The following CENPC variants were observed in gnomAD, a reference collection of about 807,000 sequenced individuals.
The protein encoded by CENPC is CENP-C 1.
CENPC carries 63 observed loss-of-function variants against 112.1 expected under a neutral mutation model. The observed-to-expected ratio is 0.56, with a 90% CI of 0.46 to 0.69. The LOEUF (loss-of-function observed/expected upper bound fraction) is 0.69. CENPC is among the 30% of genes least tolerant of loss of function. CENPC has a pLI of 0.00. For synonymous variants in CENPC, 333 were observed against 367.6 expected, an observed-to-expected ratio of 0.91 and a Z score of 1.08; for missense variants, 1,000 against 1,103.8, an observed-to-expected ratio of 0.91 and a Z score of 1.33.
chr4:67,499,344 C>T (rs1725527559), intron 12 of CENPC, among the ~76,000 whole-genome samples: 1 of 152,182 alleles, frequency 6.6e-6, no homozygotes, highest in Non-Finnish European at 1.5e-5. Context: ...ATTTTGTCTA[C>T]AGGGAAAATC....
Position 67,514,705 on chromosome 4 carries a change from T to A in CENPC, c.831-18A>T. 6.4e-7 allele frequency: 1 copy of A among 1,561,286 alleles called. No homozygotes were observed. The highest frequency in any genetic ancestry group is 8.7e-7 in the Non-Finnish European group (1 of 1,155,352). On this transcript the variant is annotated intron_variant, in intron 7 of 18. Coordinates refer to ENST00000273853, the MANE Select transcript of CENPC (RefSeq NM_001812.4). ...CAATGGGACTGAAACAGGGTGATACTTTTAACAGTTCAAAAAAATAAAGCT... is the reference window on the plus strand; with the variant it reads ...CAATGGGACTGAAACAGGGTGATACATTTAACAGTTCAAAAAAATAAAGCT...
At chr4:67,512,942 AT>A (rs753104136) in intron 8 of CENPC, among the ~76,000 whole-genome samples, 1 of 152,144 alleles carries the variant, frequency 6.6e-6, no homozygotes, top group Non-Finnish European at 1.5e-5. Context: ...AGAAGAGGAG[AT>A]TTAAAGTGTG....
intron 2 of CENPC, 59 bp downstream of exon 2, chr4:67,544,090 T>C (rs1181086683): frequency 1.1e-6 from 1 of 877,268 alleles, no homozygotes. Context: ...TTTCTTCATT[T>C]AAAAATCTAT....
rs1047033983 is a variant in CENPC at position 67,539,952 on chromosome 4, A to G, written c.137-18T>C. 51 of 1,366,938 alleles carry G rather than the reference A, an allele frequency of 3.7e-5. No homozygotes were observed. In the East Asian group the frequency reaches 1.3e-3, roughly 36 times the overall value. The allele number at this position is 1,366,938 out of a possible 1,614,324, so 84.7% of individuals were successfully genotyped here. On this transcript the variant is annotated intron_variant, in intron 3 of 18. Coordinates refer to ENST00000273853, the MANE Select transcript of CENPC (RefSeq NM_001812.4). The stretch of plus-strand genomic sequence containing the variant: ...GGCAAGACCTAAAACAAAAGTATGA[A>G]ATTTTCAAAAACAAGATATAGTGTA...
chr4:67,483,931 A>G lies in CENPC; in HGVS notation c.2670+6036T>C, dbSNP rs192515445. 5.2e-4 allele frequency among the ~76,000 whole-genome samples: 79 copies of G among 152,322 alleles called. 1 individual carries two copies. In the South Asian group the frequency reaches 5.8e-3, roughly 11 times the overall value. ...TATAAAGTGAAAATGTTACAGTTAG[A>G]TGAGGTTTATTACTGAAGAAAGAAA... On this transcript the variant is annotated intron_variant, in intron 17 of 18. Coordinates refer to ENST00000273853, the MANE Select transcript of CENPC (RefSeq NM_001812.4).
At position 67,527,225 on chromosome 4, in the gene CENPC, G is replaced by A. The variant is rs544903210; in HGVS notation, c.331+3590C>T. Among the ~76,000 whole-genome samples the A allele has an allele frequency of 6.6e-5, 10 of 152,146 alleles. No homozygotes were observed. In the South Asian group the frequency reaches 1.7e-3, roughly 25 times the overall value. On this transcript the variant is annotated intron_variant, in intron 5 of 18. Coordinates refer to ENST00000273853, the MANE Select transcript of CENPC (RefSeq NM_001812.4). ...CACCATGACCACATGGAAATTTTAC[G>A]CAAGGCTGGTTAAACATTCAAAAAT...
At chr4:67,502,875 CT>C (rs1725630554) in intron 12 of CENPC, among the ~76,000 whole-genome samples, 1 of 152,100 alleles carries the variant, frequency 6.6e-6, no homozygotes, top group African/African-American at 2.4e-5. Flanking sequence ...TGACTTTACC[CT>C]CAAAAATACC....
At chr4:67,491,540 A>AGAGAGAGAG (rs1725281943) in intron 16 of CENPC, among the ~76,000 whole-genome samples, 1 of 83,894 alleles carries the variant, frequency 1.2e-5, no homozygotes, top group Admixed American at 1.3e-4. Context: ...CTGGTTGTTA[A>AGAGAGAGAG]ACAGTTGCGT....
rs372436165 is a variant in CENPC at position 67,519,454 on chromosome 4, G to C, written c.380C>G (p.Ser127Cys). The C allele has an allele frequency of 4.4e-5, 71 of 1,603,338 alleles. No homozygotes were observed. The African/African-American group carries it at 8.4e-4, about 19-fold the overall frequency. Residue 127 changes from serine to cysteine, a missense_variant, in exon 6 of 19, where the codon TCC (serine) becomes TGC (cysteine). Coordinates refer to ENST00000273853, the MANE Select transcript of CENPC (RefSeq NM_001812.4). The stretch of plus-strand genomic sequence containing the variant: ...TTTTTTCGAGTCAGGTGTATTTTTG[G>C]AACTAACATCAGTTGCCAGAATTTT... ...HQKILATDVS[S>C]KNTPDSKKIS... is the part of the protein sequence containing the mutation.
Position 67,505,213 on chromosome 4 carries a change from C to T in CENPC, c.2123G>A (p.Gly708Glu). ...AAAAAACAATAGTTTACCTGAACTT[C>T]CATGAACTTCCTCATCATCCACATC... ...KNDVDDEEVH[G>E]SSDDSKQSKV... Residue 708 changes from glycine (G) to glutamate (E), a missense_variant, in exon 12 of 19, where the codon GGA becomes GAA. Transcript: ENST00000273853. 1.3e-6 allele frequency: 2 copies of T among 1,576,672 alleles called. No individual in the cohort carries two copies. Among genetic ancestry groups the T allele is most frequent in the Admixed American group, 3.6e-5 (2 of 54,822 alleles).
chr4:67,505,253 T>C lies in CENPC; in HGVS notation c.2083A>G (p.Met695Val). Residue 695 changes from methionine to valine, a missense_variant, in exon 12 of 19, where the codon ATG (methionine) becomes GTG (valine). Transcript: ENST00000273853. ...TCATCCACATCATTCTTTCCAGACA[T>C]TAAATAATTATTATTGAGCCTGGAA... is the stretch of plus-strand genomic sequence containing the variant. ...GPSRLNNNYL[M>V]SGKNDVDDEE... The C allele has an allele frequency of 6.3e-7, 1 of 1,578,994 alleles. No individual in the cohort carries two copies. Among genetic ancestry groups the C allele is most frequent in the Non-Finnish European group, 8.6e-7 (1 of 1,162,958 alleles).
chr4:67,526,956 A>G (rs1726398623), intron 5 of CENPC, among the ~76,000 whole-genome samples: 1 of 152,234 alleles, frequency 6.6e-6, no homozygotes, highest in African/African-American at 2.4e-5. Flanking sequence ...TCATAAAGGA[A>G]TCAAGATCAG....
intron 9 of CENPC, chr4:67,510,851 T>C (rs1725874243): frequency 8.0e-6 from 3 of 373,996 alleles, no homozygotes; most frequent in Non-Finnish European, 1.6e-5. Flanking sequence ...TAAAGATTCC[T>C]CCACTTTTTC....
At chr4:67,492,299 T>C in intron 15 of CENPC, 24 bp from the exon 16 acceptor site, 3 of 1,404,198 alleles carry the variant, frequency 2.1e-6, no homozygotes, top group Non-Finnish European at 2.9e-6. Flanking sequence ...ACCATTGAAA[T>C]ACAAACTACT....
chr4:67,544,557 T>C (rs967054863), intron 1 of CENPC, among the ~76,000 whole-genome samples: 5 of 152,208 alleles, frequency 3.3e-5, no homozygotes, highest in Non-Finnish European at 4.4e-5. Flanking sequence ...TGGGAGATCA[T>C]CGAAGCTGAA....
rs1159669519 is a variant in CENPC at position 67,512,398 on chromosome 4, T to G, written c.1612+4A>C. ...ACAAACACAATTTAAATAAAAATAC[T>G]TACTCTCCTCTGATTTTACCACCCA... On this transcript the variant is annotated splice_donor_region_variant and intron_variant, in intron 9 of 18. Transcript: ENST00000273853. 2.5e-6 allele frequency: 4 copies of G among 1,571,864 alleles called. No homozygotes were observed. The highest frequency in any genetic ancestry group is 3.4e-6 in the Non-Finnish European group (4 of 1,159,580).
intron 5 of CENPC, among the ~76,000 whole-genome samples, chr4:67,527,787 C>T (rs1726427989): frequency 6.6e-6 from 1 of 151,902 alleles, no homozygotes. Flanking sequence ...AGGCCTACGC[C>T]ACAGTGCTTG....
At chr4:67,530,790 T>G in intron 5 of CENPC, 25 bp downstream of exon 5, 1 of 1,210,228 alleles carries the variant, frequency 8.3e-7, no homozygotes, top group Non-Finnish European at 1.2e-6. Context: ...TCCAAGCAAA[T>G]AATGCCCATG....
At chr4:67,506,671 TG>T (rs1420845615) in intron 11 of CENPC, 116 bp downstream of exon 11, 8 of 849,934 alleles carry the variant, frequency 9.4e-6, no homozygotes, top group South Asian at 2.8e-5. Flanking sequence ...ATAGAAACTA[TG>T]AAACAATAAG....
Sources: allele counts gnomAD v4.1 joint callset (sites outside exome capture counted in the v4.1 genomes callset), GRCh38; gene constraint gnomAD v4.1.1; transcripts MANE v1.5; gene names NCBI Gene and HGNC (gene_info 2026-07-23, HGNC 2026-07-21).